The following RBFOX3 variants were observed in gnomAD, a reference collection of about 807,000 sequenced individuals.
RBFOX3 encodes RNA binding fox-1 homolog 3, also known as RNA binding protein fox-1 homolog 3.
A neutral mutation model predicts 48.7 loss-of-function variants in RBFOX3; 17 were observed. That is an observed-to-expected ratio of 0.35 (90% CI 0.24 to 0.52). The LOEUF (loss-of-function observed/expected upper bound fraction) is 0.52, where lower values mean the gene tolerates loss of function less well. Among genes scored for constraint, RBFOX3 ranks in the 20% least tolerant of loss-of-function variants. The pLI, the probability that RBFOX3 is intolerant of heterozygous loss-of-function variation, is 0.94. For missense variants in RBFOX3, 382 were observed against 497.5 expected (o/e 0.77, Z 2.21); for synonymous variants, 212 against 209.5 (o/e 1.01, Z -0.10).
intron 14 of RBFOX3, among the ~76,000 whole-genome samples, chr17:79,091,384 T>C (rs2073865464): frequency 6.6e-6 from 1 of 152,212 alleles, no homozygotes; most frequent in South Asian, 2.1e-4. Flanking sequence ...CAGATCTGTG[T>C]GCCCCAGGCC....
intron 1 of RBFOX3, among the ~76,000 whole-genome samples, chr17:79,587,619 G>C (rs1428138269): frequency 1.3e-5 from 2 of 152,220 alleles, no homozygotes; most frequent in African/African-American, 4.8e-5. Flanking sequence ...AAGTCACTCA[G>C]CCAGGCGAGG....
intron 4 of RBFOX3, among the ~76,000 whole-genome samples, chr17:79,223,808 CT>C (rs1468623456): frequency 1.3e-5 from 2 of 152,190 alleles, no homozygotes; most frequent in Non-Finnish European, 2.9e-5. Flanking sequence ...TGCGCCCCCC[CT>C]ACAGCACAGC....
chr17:79,617,493 C>T, the RBFOX3 span, among the ~76,000 whole-genome samples: 1 of 152,162 alleles, frequency 6.6e-6, no homozygotes, highest in Non-Finnish European at 1.5e-5. Flanking sequence ...GCCTGCACTC[C>T]CTCCTTGGTT....
At chr17:79,293,050 T>C (rs548430734) in intron 3 of RBFOX3, among the ~76,000 whole-genome samples, 2 of 152,202 alleles carry the variant, frequency 1.3e-5, no homozygotes, top group South Asian at 2.1e-4. Flanking sequence ...GAACTGCTTC[T>C]ATTTTACAGT....
intron 3 of RBFOX3, among the ~76,000 whole-genome samples, chr17:79,304,989 A>G (rs1044827483): frequency 2.6e-5 from 4 of 152,026 alleles, no homozygotes; most frequent in South Asian, 2.1e-4. Context: ...ATCATTTTCC[A>G]TGGACGCTAT....
intron 3 of RBFOX3, among the ~76,000 whole-genome samples, chr17:79,255,147 C>T (rs1391222521): frequency 6.6e-6 from 1 of 152,130 alleles, no homozygotes; most frequent in African/African-American, 2.4e-5. Flanking sequence ...ACCCAGGCCA[C>T]ACCCCTCCCA....
Position 79,426,930 on chromosome 17 carries a change from C to T in RBFOX3, c.-175+55524G>A, listed in dbSNP as rs560060858. ...TGTTGGTCAGGCTGGTCTCGAACTC[C>T]TGACCTCAGGTGATCCACCCGCCTC... On this transcript the variant is annotated intron_variant, in intron 2 of 14. Transcript: ENST00000693108. Among the ~76,000 whole-genome samples the T allele has an allele frequency of 4.7e-4, 72 of 152,268 alleles. 1 individual carries two copies. Among genetic ancestry groups the T allele is most frequent in the African/African-American group, 1.7e-3 (70 of 41,552 alleles).
intron 2 of RBFOX3, among the ~76,000 whole-genome samples, chr17:79,372,422 C>T (rs1316220961): frequency 1.3e-5 from 2 of 148,990 alleles, no homozygotes; most frequent in Non-Finnish European, 3.0e-5. Context: ...TATGGCTCTC[C>T]TCAGTCTTAT....
intron 4 of RBFOX3, among the ~76,000 whole-genome samples, chr17:79,167,281 T>C (rs573493239): frequency 6.6e-6 from 1 of 151,932 alleles, no homozygotes; most frequent in African/African-American, 2.4e-5. Flanking sequence ...CCTCTTCCCT[T>C]GTTCTCTCCC....
Position 79,111,915 on chromosome 17 carries a change from G to A in RBFOX3, c.222+3579C>T, listed in dbSNP as rs907632782. Among the ~76,000 whole-genome samples, 2 of 152,234 alleles carry A rather than the reference G, an allele frequency of 1.3e-5. No homozygotes were observed. Among genetic ancestry groups the A allele is most frequent in the African/African-American group, 2.4e-5 (1 of 41,470 alleles). ...CCCGGTCCTTCCGCAGCCCCTCATC[G>A]CACTCTGTACCCTTTGCTGCTTTTG... is the stretch of plus-strand genomic sequence containing the variant. On this transcript the variant is annotated intron_variant, in intron 5 of 14. Transcript: ENST00000693108. The surrounding 1 kb of genome is among the most constrained non-coding windows in gnomAD (Gnocchi z 4.2).
At chr17:79,644,058 T>C in the RBFOX3 span, among the ~76,000 whole-genome samples, 1 of 152,158 alleles carries the variant, frequency 6.6e-6, no homozygotes, top group Admixed American at 6.5e-5. Flanking sequence ...AGGTTAATAA[T>C]GGAATATTAA....
intron 2 of RBFOX3, among the ~76,000 whole-genome samples, chr17:79,470,523 A>G (rs2076932631): frequency 6.6e-6 from 1 of 152,180 alleles, no homozygotes; most frequent in Admixed American, 6.5e-5. Context: ...ACCACCCCTC[A>G]GCACACACAT....
intron 2 of RBFOX3, among the ~76,000 whole-genome samples, chr17:79,414,263 T>C (rs1034951366): frequency 4.1e-4 from 62 of 152,262 alleles, no homozygotes; most frequent in African/African-American, 1.3e-3. Context: ...AAAAAATCAC[T>C]GTAAACAAAG....
intron 3 of RBFOX3, among the ~76,000 whole-genome samples, chr17:79,248,518 T>C (rs2063487909): frequency 6.6e-6 from 1 of 152,192 alleles, no homozygotes; most frequent in Admixed American, 6.5e-5. Context: ...CCTGAATGAA[T>C]GCAACGTCAT....
the RBFOX3 span, among the ~76,000 whole-genome samples, chr17:79,663,724 A>G: frequency 2.6e-5 from 4 of 151,104 alleles, no homozygotes; most frequent in African/African-American, 4.9e-5. Context: ...GTTGCTGTGC[A>G]TGGACACAGT....
Position 79,420,412 on chromosome 17 carries a change from A to C in RBFOX3, c.-175+62042T>G, listed in dbSNP as rs56211549. Among the ~76,000 whole-genome samples, 1,171 of 152,296 alleles carry C rather than the reference A, an allele frequency of 7.7e-3. 6 individuals carry two copies. Among genetic ancestry groups the C allele is most frequent in the Middle Eastern group, 0.041 (12 of 294 alleles). On this transcript the variant is annotated intron_variant, in intron 2 of 14. Transcript: ENST00000693108. ...GAACGCCCCCACCCACGAAGGGAGC[A>C]TGGGAGGAAAGTGTGAGTCAGCGGC...
chr17:79,496,423 G>A (rs1184122741), intron 1 of RBFOX3, among the ~76,000 whole-genome samples: 1 of 152,068 alleles, frequency 6.6e-6, no homozygotes, highest in Non-Finnish European at 1.5e-5. Flanking sequence ...TTCCAGCCTG[G>A]GCATCAGGGA....
intron 4 of RBFOX3, among the ~76,000 whole-genome samples, chr17:79,126,905 G>A (rs538485169): frequency 2.0e-5 from 3 of 152,296 alleles, no homozygotes; most frequent in East Asian, 1.9e-4. Context: ...ACTTCCACCC[G>A]GCACCGGGCT....
chr17:79,226,529 G>T (rs1350225441), intron 4 of RBFOX3, among the ~76,000 whole-genome samples: 1 of 152,210 alleles, frequency 6.6e-6, no homozygotes, highest in South Asian at 2.1e-4. Flanking sequence ...AACGCATGGG[G>T]TCTGTGACTG....
Sources: allele counts gnomAD v4.1 joint callset (sites outside exome capture counted in the v4.1 genomes callset), GRCh38; gene constraint gnomAD v4.1.1; non-coding constraint Gnocchi (gnomAD v3.1); transcripts MANE v1.5; gene names NCBI Gene and HGNC (gene_info 2026-07-23, HGNC 2026-07-21).